Variants in LHFPL3 observed in about 807,000 individuals in gnomAD.
The protein encoded by LHFPL3 is LHFPL tetraspan subfamily member 3 protein.
Under a neutral mutation model 19.3 loss-of-function variants are expected in LHFPL3, and 5 were observed. The ratio of observed to expected loss-of-function variants is 0.26; its 90% CI spans 0.14 to 0.54. LHFPL3 has a LOEUF of 0.54. Ranked by LOEUF, LHFPL3 falls within the 20% of genes least tolerant of loss-of-function variation. The pLI is 0.94. For missense variants in LHFPL3, 249 were observed against 307.4 expected (o/e 0.81, Z 1.42); for synonymous variants, 133 against 126.2 (o/e 1.05, Z -0.36).
chr7:104,384,787 CA>C (rs771136918), intron 1 of LHFPL3, among the ~76,000 whole-genome samples: 2,172 of 74,532 alleles, frequency 0.029, 18 homozygotes, highest in African/African-American at 0.049. Context: ...AACTCTATTT[CA>C]AAAAAAAAAA....
intron 2 of LHFPL3, among the ~76,000 whole-genome samples, chr7:104,811,192 TTTCTTTTC>T (rs1790463608): frequency 6.7e-6 from 1 of 149,544 alleles, no homozygotes; most frequent in Admixed American, 6.7e-5. Context: ...TTTCTTTTCT[TTTCTTTTC>T]TTTTCTTTCT....
chr7:104,359,839 C>T (rs1281613390), intron 1 of LHFPL3, among the ~76,000 whole-genome samples: 1 of 152,248 alleles, frequency 6.6e-6, no homozygotes, highest in South Asian at 2.1e-4. Context: ...CTTGGGAACA[C>T]CTATTGAAAG....
At chr7:104,482,414 C>T (rs1190713139) in intron 1 of LHFPL3, among the ~76,000 whole-genome samples, 1 of 152,158 alleles carries the variant, frequency 6.6e-6, no homozygotes, top group Non-Finnish European at 1.5e-5. Flanking sequence ...AGGGTTAATG[C>T]CAATCATGTA....
At chr7:104,786,950 G>A (rs1161378256) in intron 2 of LHFPL3, among the ~76,000 whole-genome samples, 1 of 152,106 alleles carries the variant, frequency 6.6e-6, no homozygotes, top group African/African-American at 2.4e-5. Context: ...CTTCTATTGT[G>A]CCCTCTGTAT....
chr7:104,563,244 A>G (rs1790048097), intron 1 of LHFPL3, among the ~76,000 whole-genome samples: 1 of 152,196 alleles, frequency 6.6e-6, no homozygotes, highest in African/African-American at 2.4e-5. Flanking sequence ...TGTTTACCTA[A>G]TCAAGCCTGG....
At chr7:104,839,003 C>T (rs1020288416) in intron 2 of LHFPL3, among the ~76,000 whole-genome samples, 1 of 152,174 alleles carries the variant, frequency 6.6e-6, no homozygotes, top group Admixed American at 6.5e-5. Context: ...GGAATGAATT[C>T]TTAAAGAAAG....
At chr7:104,779,586 G>T (rs745710680) in intron 2 of LHFPL3, among the ~76,000 whole-genome samples, 1 of 152,144 alleles carries the variant, frequency 6.6e-6, no homozygotes, top group Non-Finnish European at 1.5e-5. Flanking sequence ...AACTCCATGC[G>T]ACTCAGCCGT....
In LHFPL3 at chr7:104,890,531, G is replaced by T. The variant is rs573091432; in HGVS notation, c.683-15656G>T. On this transcript the variant is annotated intron_variant, in intron 2 of 2. Coordinates refer to ENST00000424859, the MANE Select transcript of LHFPL3 (RefSeq NM_199000.3). ...GGTCTGGAACTAAGCAGCTAAATTG[G>T]CTGTGTGTTTGTCCCTTTAGAACTG... is the stretch of plus-strand genomic sequence containing the variant. Among the ~76,000 whole-genome samples, 4 of 152,318 alleles carry T rather than the reference G, an allele frequency of 2.6e-5. No homozygotes were observed. In the South Asian group the frequency reaches 8.3e-4, roughly 32 times the overall value.
intron 1 of LHFPL3, among the ~76,000 whole-genome samples, chr7:104,477,913 A>G (rs1337149444): frequency 1.3e-5 from 2 of 152,206 alleles, no homozygotes; most frequent in African/African-American, 4.8e-5. Flanking sequence ...AAGGCTATCC[A>G]GACACGTGAA....
chr7:104,824,624 T>TCA (rs1299948343), intron 2 of LHFPL3, among the ~76,000 whole-genome samples: 1 of 75,430 alleles, frequency 1.3e-5, no homozygotes, highest in Admixed American at 2.6e-4. Flanking sequence ...ATATATTATT[T>TCA]TATATATATT....
At chr7:104,754,723 T>G (rs555502568) in intron 2 of LHFPL3, among the ~76,000 whole-genome samples, 1 of 152,146 alleles carries the variant, frequency 6.6e-6, no homozygotes, top group South Asian at 2.1e-4. Context: ...GCATTGAGAG[T>G]AGGAAATAAG....
At chr7:104,366,990 T>C (rs932702810) in intron 1 of LHFPL3, among the ~76,000 whole-genome samples, 2 of 152,188 alleles carry the variant, frequency 1.3e-5, no homozygotes, top group African/African-American at 2.4e-5. Context: ...TATATAGTTA[T>C]GATAATACTT....
chr7:104,674,581 A>T (rs1420068224), intron 1 of LHFPL3, among the ~76,000 whole-genome samples: 1 of 151,850 alleles, frequency 6.6e-6, no homozygotes, highest in East Asian at 1.9e-4. Context: ...GTTGGCCAGG[A>T]TGGTCTCGAT....
chr7:104,589,528 G>C (rs1198338543), intron 1 of LHFPL3, among the ~76,000 whole-genome samples: 1 of 152,096 alleles, frequency 6.6e-6, no homozygotes, highest in East Asian at 1.9e-4. Flanking sequence ...ATTTTTTTTA[G>C]GATTTTTGCA....
intron 2 of LHFPL3, among the ~76,000 whole-genome samples, chr7:104,875,155 G>T (rs1053049000): frequency 1.3e-5 from 2 of 152,082 alleles, no homozygotes; most frequent in African/African-American, 2.4e-5. Context: ...CTATATGGTG[G>T]TTCTTGCAGA....
chr7:104,796,256 C>A (rs769331045), intron 2 of LHFPL3, among the ~76,000 whole-genome samples: 7 of 152,110 alleles, frequency 4.6e-5, no homozygotes, highest in Non-Finnish European at 8.8e-5. Flanking sequence ...GAGTGTGTGA[C>A]CGGGGGGCTG....
intron 2 of LHFPL3, among the ~76,000 whole-genome samples, chr7:104,792,224 A>G (rs1790036656): frequency 6.6e-6 from 1 of 152,108 alleles, no homozygotes. Flanking sequence ...CCGTCTTGGG[A>G]GGGAAAATGA....
At chr7:104,719,023 G>A (rs1301131193) in intron 1 of LHFPL3, among the ~76,000 whole-genome samples, 1 of 152,166 alleles carries the variant, frequency 6.6e-6, no homozygotes, top group Non-Finnish European at 1.5e-5. Flanking sequence ...TTGTGAAAAT[G>A]TTGCCTAAGT....
chr7:104,737,348 AACT>A (rs1451841929), intron 2 of LHFPL3, among the ~76,000 whole-genome samples: 2 of 152,162 alleles, frequency 1.3e-5, no homozygotes. Context: ...ATCTTTATTA[AACT>A]ATTTGTGATA....
Sources: gnomAD v4.1 joint callset for allele counts (sites outside exome capture counted in the v4.1 genomes callset) on GRCh38, gnomAD v4.1.1 for gene constraint, MANE v1.5 for transcripts, NCBI Gene and HGNC (gene_info 2026-07-23, HGNC 2026-07-21) for gene names.